CDH16: variants seen among roughly 807,000 people sequenced by gnomAD.
The protein encoded by CDH16 is cadherin 16, also known as cadherin-16.
Under a neutral mutation model 87.6 loss-of-function variants are expected in CDH16, and 79 were observed. The ratio of observed to expected loss-of-function variants is 0.90; its 90% CI spans 0.75 to 1.09. The LOEUF (loss-of-function observed/expected upper bound fraction) is 1.09. Among genes scored for constraint, CDH16 ranks in the 50% least tolerant of loss-of-function variants. CDH16 has a pLI of 0.00. For synonymous variants in CDH16, 457 were observed against 439.5 expected, an observed-to-expected ratio of 1.04 and a Z score of -0.50; for missense variants, 1,124 against 1,071.7, an observed-to-expected ratio of 1.05 and a Z score of -0.68.
chr16:66,910,164 C>T (rs1182113162), intron 15 of CDH16, 71 bp from the exon 16 acceptor site: 3 of 1,558,976 alleles, frequency 1.9e-6, no homozygotes, highest in Admixed American at 1.8e-5. Flanking sequence ...TCCCCCTAGG[C>T]CTAGCCCCAC....
chr16:66,917,988 G>A, intron 2 of CDH16, 33 bp downstream of exon 2: 1 of 1,547,304 alleles, frequency 6.5e-7, no homozygotes, highest in South Asian at 1.2e-5. Flanking sequence ...CCAAAGCCAA[G>A]ACCTGAAGGA....
intron 1 of CDH16, among the ~76,000 whole-genome samples, 162 bp downstream of exon 1, chr16:66,918,641 TG>T (rs1962796550): frequency 6.6e-6 from 1 of 152,324 alleles, no homozygotes; most frequent in African/African-American, 2.4e-5. Context: ...TTCCAGCCCT[TG>T]TCATGGAGCT....
chr16:66,916,802 C>T lies in CDH16; in HGVS notation c.130-373G>A, dbSNP rs747612538. ...TACTCAAAATCTGAAACTTTTTGAGCGCCAATATGATGTGACAAGTACAGA... is the reference window on the plus strand; with the variant it reads ...TACTCAAAATCTGAAACTTTTTGAGTGCCAATATGATGTGACAAGTACAGA... On this transcript the variant is annotated intron_variant, in intron 3 of 17. Transcript: ENST00000299752. The surrounding 1 kb of genome is among the most constrained non-coding windows in gnomAD (Gnocchi z 4.1). 3.9e-5 allele frequency among the ~76,000 whole-genome samples: 6 copies of T among 152,162 alleles called. No individual in the cohort carries two copies. Among genetic ancestry groups the T allele is most frequent in the Non-Finnish European group, 7.3e-5 (5 of 68,034 alleles).
intron 14 of CDH16, chr16:66,910,950 T>C (rs747918568): frequency 4.0e-6 from 2 of 494,162 alleles, no homozygotes; most frequent in Non-Finnish European, 7.1e-6. Context: ...CTGGGAGATT[T>C]TGTGTGTCAA....
At chr16:66,910,563 T>A in intron 14 of CDH16, 61 bp from the exon 15 acceptor site, 2 of 1,436,478 alleles carry the variant, frequency 1.4e-6, no homozygotes, top group Non-Finnish European at 1.8e-6. Context: ...AGCTCTGAGG[T>A]CCCTGGGCTG....
Position 66,910,351 on chromosome 16 carries a change from G to T in CDH16, c.2076C>A (p.Asp692Glu), listed in dbSNP as rs746331988. The T allele has an allele frequency of 6.2e-7, 1 of 1,613,902 alleles. No homozygotes were observed. Among genetic ancestry groups the T allele is most frequent in the Non-Finnish European group, 8.5e-7 (1 of 1,179,894 alleles). Residue 692 changes from aspartate (D) to glutamate (E), a missense_variant, in exon 15 of 18, where the codon GAC becomes GAA. Transcript: ENST00000299752. Reference protein sequence around the residue: ...HGLIVSGPSKDPDLASGHGPY... With the variant: ...HGLIVSGPSKEPDLASGHGPY... ...GACCGTGCCCACTGGCCAGATCGGG[G>T]TCCTTGCTGGGTCCACTCACGATCA...
rs759950672 is a variant in CDH16, at chr16:66,912,667, C to T, written c.1279G>A (p.Gly427Ser). Residue 427 changes from glycine (G) to serine (S), a missense_variant, in exon 10 of 18, where the codon GGT (glycine) becomes AGT (serine). Gly to Ser is a moderately conservative substitution (Grantham distance 56). Coordinates refer to ENST00000299752, the MANE Select transcript of CDH16 (RefSeq NM_004062.4). Reference protein sequence around the residue: ...VLAMDLAGAEGGFSSTCEVEV... With the variant: ...VLAMDLAGAESGFSSTCEVEV... Reference sequence around the variant, plus strand: ...GGTCACCAATCAGGGCACTTACCACCCTCTGCGCCTGCCAGGTCCATGGCC... The same window carrying T: ...GGTCACCAATCAGGGCACTTACCACTCTCTGCGCCTGCCAGGTCCATGGCC... The T allele has an allele frequency of 2.5e-5, 40 of 1,613,878 alleles. No homozygotes were observed. In the East Asian group the frequency reaches 7.4e-4, roughly 30 times the overall value.
rs760945134 is a variant in CDH16, at chr16:66,912,908, C to T, written c.1055-17G>A. The T allele has an allele frequency of 3.7e-6, 6 of 1,601,742 alleles. No individual in the cohort carries two copies. The highest frequency in any genetic ancestry group is 3.3e-5 in the Admixed American group (2 of 59,926). On this transcript the variant is annotated splice_polypyrimidine_tract_variant and intron_variant, in intron 9 of 17. Transcript: ENST00000299752. ...CTTCAGTACCTGCCAAGACAGCACC[C>T]GCCTGGATAGGACCACAGCCCAGCC... is the stretch of plus-strand genomic sequence containing the variant.
rs769494023 is a variant in CDH16 at position 66,912,511 on chromosome 16, G to C, written c.1352C>G (p.Thr451Ser). Residue 451 changes from threonine to serine, a missense_variant, in exon 11 of 18, where the codon ACT becomes AGT. Transcript: ENST00000299752. Reference sequence around the variant, plus strand: ...TCCCCTGCGTCTGCTTACCTGGGAAGTGATGAACTCAGGGGCGTGATCATT... The same window carrying C: ...TCCCCTGCGTCTGCTTACCTGGGAACTGATGAACTCAGGGGCGTGATCATT... ...DINDHAPEFI[T>S]SQIGPISLPE... 6.8e-5 allele frequency: 110 copies of C among 1,614,078 alleles called. No homozygotes were observed. The highest frequency in any genetic ancestry group is 9.1e-5 in the Non-Finnish European group (107 of 1,180,008).
intron 5 of CDH16, 100 bp from the exon 6 acceptor site, chr16:66,915,478 T>G: frequency 1.5e-6 from 2 of 1,342,584 alleles, no homozygotes; most frequent in Non-Finnish European, 2.0e-6. Flanking sequence ...CCCTATCCAT[T>G]ATCACATCAG....
Position 66,912,419 on chromosome 16 carries a change from T to C in CDH16, c.1371A>G (p.Ile457Met), listed in dbSNP as rs1250049679. 2.5e-6 allele frequency: 4 copies of C among 1,613,886 alleles called. No homozygotes were observed. The East Asian group carries it at 6.7e-5, about 27-fold the overall frequency. Residue 457 changes from isoleucine (I) to methionine (M), a missense_variant, in exon 12 of 18, where the codon ATA (isoleucine) becomes ATG (methionine). Physicochemically the swap from Ile to Met is conservative, Grantham distance 10. Transcript: ENST00000299752. ...PEFITSQIGP[I>M]SLPEDVEPGT... Reference sequence around the variant, plus strand: ...CGGGCTCCACATCCTCAGGGAGGCTTATAGGCCCAATCTGGAGGAGGAGGA... The same window carrying C: ...CGGGCTCCACATCCTCAGGGAGGCTCATAGGCCCAATCTGGAGGAGGAGGA...
chr16:66,913,070 A>C, intron 9 of CDH16, 61 bp downstream of exon 9: 2 of 1,552,704 alleles, frequency 1.3e-6, no homozygotes, highest in Admixed American at 1.8e-5. Flanking sequence ...TCCTTATCCC[A>C]GAGAAGAGCA....
At position 66,916,960 on chromosome 16, in the gene CDH16, C is replaced by T. The variant is rs927880491; in HGVS notation, c.130-531G>A. 2.6e-5 allele frequency among the ~76,000 whole-genome samples: 4 copies of T among 152,088 alleles called. No individual in the cohort carries two copies. The highest frequency in any genetic ancestry group is 2.0e-4 in the Admixed American group (3 of 15,258). On this transcript the variant is annotated intron_variant, in intron 3 of 17. Coordinates refer to ENST00000299752, the MANE Select transcript of CDH16 (RefSeq NM_004062.4). The surrounding 1 kb of genome is among the most constrained non-coding windows in gnomAD (Gnocchi z 4.1). ...GCTCTTGGCCACTCAAGGATTCTGT[C>T]GGAATTTCACCTCTGTACTGTCAGC...
At chr16:66,917,790 G>A (rs1224469741) in intron 2 of CDH16, 65 bp from the exon 3 acceptor site, 2 of 1,402,870 alleles carry the variant, frequency 1.4e-6, no homozygotes, top group Non-Finnish European at 2.0e-6. Flanking sequence ...AGACCCAACA[G>A]AAGAGCGGAA....
chr16:66,917,763 T>C (rs1401716691), intron 2 of CDH16, 38 bp from the exon 3 acceptor site: 23 of 1,541,342 alleles, frequency 1.5e-5, no homozygotes, highest in Non-Finnish European at 2.0e-5. Flanking sequence ...AGGCTCTATC[T>C]TCCTGCGTGG....
chr16:66,917,010 C>G (rs973300614), intron 3 of CDH16, among the ~76,000 whole-genome samples: 10 of 152,138 alleles, frequency 6.6e-5, no homozygotes, highest in African/African-American at 1.9e-4. Flanking sequence ...GCCTCCCCAG[C>G]TCGCAAATCC....
intron 14 of CDH16, 125 bp from the exon 15 acceptor site, chr16:66,910,627 T>G: frequency 9.7e-7 from 1 of 1,026,660 alleles, no homozygotes; most frequent in South Asian, 2.7e-5. Flanking sequence ...GCTCCCTCCA[T>G]GCTTCTCTCC....
chr16:66,908,558 T>C, intron 17 of CDH16, 69 bp from the exon 18 acceptor site: 1 of 1,183,464 alleles, frequency 8.4e-7, no homozygotes. Flanking sequence ...ACGAGGGACT[T>C]CCTGTGATTG....
At chr16:66,913,341 C>G (rs949324778) in intron 8 of CDH16, 60 bp from the exon 9 acceptor site, 7 of 1,551,200 alleles carry the variant, frequency 4.5e-6, no homozygotes, top group Non-Finnish European at 5.2e-6. Context: ...CCTTGCCTGG[C>G]TCTGAGTTTC....
Sources: allele counts gnomAD v4.1 joint callset (sites outside exome capture counted in the v4.1 genomes callset), GRCh38; gene constraint gnomAD v4.1.1; non-coding constraint Gnocchi (gnomAD v3.1); transcripts MANE v1.5; gene names NCBI Gene and HGNC (gene_info 2026-07-23, HGNC 2026-07-21).